The following COL4A4 variants were observed in gnomAD, a reference collection of about 807,000 sequenced individuals.
COL4A4 encodes collagen alpha-4(IV) chain.
COL4A4 carries 105 observed loss-of-function variants against 192.9 expected under a neutral mutation model. That is an observed-to-expected ratio of 0.54 (90% CI 0.46 to 0.64). COL4A4 has a LOEUF of 0.64. Among genes scored for constraint, COL4A4 ranks in the 30% least tolerant of loss-of-function variants. The pLI is 0.00. For synonymous variants in COL4A4, 762 were observed against 769.9 expected (o/e 0.99, Z 0.17); for missense variants, 1,967 against 2,169.3 (o/e 0.91, Z 1.85).
At chr2:227,041,842 A>AAGAGAGAGAG (rs1271004493) in intron 37 of COL4A4, among the ~76,000 whole-genome samples, 2 of 62,762 alleles carry the variant, frequency 3.2e-5, no homozygotes, top group South Asian at 1.2e-3. Flanking sequence ...GAAAGAAAGA[A>AAGAGAGAGAG]AGAAAGAGAA....
chr2:227,063,722 T>C (rs1977713488), intron 25 of COL4A4, among the ~76,000 whole-genome samples: 1 of 152,006 alleles, frequency 6.6e-6, no homozygotes. Context: ...AAATGGTTTT[T>C]CATGGACAAT....
intron 9 of COL4A4, 74 bp from the exon 10 acceptor site, chr2:227,109,360 T>A (rs1263029350): frequency 8.2e-7 from 1 of 1,217,964 alleles, no homozygotes; most frequent in Non-Finnish European, 1.2e-6. Context: ...TTGCGTGTGA[T>A]CCCATGTGGA....
chr2:227,029,959 T>C (rs1967916043), intron 41 of COL4A4, among the ~76,000 whole-genome samples: 1 of 152,192 alleles, frequency 6.6e-6, no homozygotes, highest in African/African-American at 2.4e-5. Context: ...GCTGTCAGTG[T>C]GGAACACACA....
intron 30 of COL4A4, among the ~76,000 whole-genome samples, chr2:227,054,982 GT>G (rs1974981539): frequency 6.6e-6 from 1 of 152,068 alleles, no homozygotes; most frequent in Non-Finnish European, 1.5e-5. Flanking sequence ...TAGAGACGGA[GT>G]TTCACCATGT....
intron 3 of COL4A4, among the ~76,000 whole-genome samples, chr2:227,140,519 G>C (rs1050543334): frequency 6.6e-6 from 1 of 152,030 alleles, no homozygotes; most frequent in Non-Finnish European, 1.5e-5. Context: ...TCTCCCTTTC[G>C]GTAAGACTTA....
intron 4 of COL4A4, among the ~76,000 whole-genome samples, chr2:227,125,865 C>A (rs1576698508): frequency 6.6e-6 from 1 of 152,142 alleles, no homozygotes; most frequent in African/African-American, 2.4e-5. Flanking sequence ...CTGTCCCTCC[C>A]AAGCCCACAG....
chr2:227,153,019 G>A (rs1326540250), intron 1 of COL4A4, among the ~76,000 whole-genome samples: 4 of 152,204 alleles, frequency 2.6e-5, no homozygotes, highest in African/African-American at 7.2e-5. Flanking sequence ...CAATCATGAT[G>A]GAAGGTGAAT....
chr2:227,020,319 A>G (rs1330210393), intron 44 of COL4A4, among the ~76,000 whole-genome samples: 1 of 152,192 alleles, frequency 6.6e-6, no homozygotes, highest in Non-Finnish European at 1.5e-5. Flanking sequence ...AACTTTATGC[A>G]TGCAAGGAGT....
intron 20 of COL4A4, among the ~76,000 whole-genome samples, chr2:227,090,910 G>A (rs1453023397): frequency 1.4e-5 from 2 of 146,458 alleles, no homozygotes; most frequent in South Asian, 2.1e-4. Flanking sequence ...GAAACAGGAA[G>A]CTTAGAAAGC....
intron 43 of COL4A4, among the ~76,000 whole-genome samples, chr2:227,023,802 AAGAGATTG>A (rs2149875881): frequency 6.6e-6 from 1 of 151,994 alleles, no homozygotes; most frequent in Non-Finnish European, 1.5e-5. Context: ...TCACGAGGTC[AAGAGATTG>A]AGACCATCCT....
chr2:226,987,002 A>G, the COL4A4 span, among the ~76,000 whole-genome samples: 7 of 152,250 alleles, frequency 4.6e-5, no homozygotes, highest in African/African-American at 1.7e-4. Context: ...CAGCCATAAA[A>G]AAGAATGAGT....
In COL4A4 at chr2:227,123,601, G is replaced by A. The variant is rs992567024; in HGVS notation, c.193-2453C>T. On this transcript the variant is annotated intron_variant, in intron 4 of 47. Transcript: ENST00000396625. This position sits in a 1 kb window ranked among gnomAD's most constrained non-coding sequence, Gnocchi z 4.6. ...TGTTATCCCGCCCTAGGGGAAGGGA[G>A]TGGGGGTATTTATCTCCTTGGCTGA... is the stretch of plus-strand genomic sequence containing the variant. 2.0e-5 allele frequency among the ~76,000 whole-genome samples: 3 copies of A among 152,228 alleles called. No homozygotes were observed. The highest frequency in any genetic ancestry group is 7.2e-5 in the African/African-American group (3 of 41,456).
chr2:227,038,622 A>G (rs1277731427), intron 37 of COL4A4, among the ~76,000 whole-genome samples: 1 of 152,214 alleles, frequency 6.6e-6, no homozygotes, highest in African/African-American at 2.4e-5. Flanking sequence ...TGGTAGCTGG[A>G]ATCAAGCCAT....
At chr2:227,163,641 G>C (rs1299575732) in intron 1 of COL4A4, among the ~76,000 whole-genome samples, 1 of 152,148 alleles carries the variant, frequency 6.6e-6, no homozygotes, top group African/African-American at 2.4e-5. Flanking sequence ...ACCCTGACCA[G>C]AGCTGAGTCT....
downstream of COL4A4, chr2:226,998,441 C>G (rs141124889): frequency 2.0e-5 from 3 of 152,288 alleles, no homozygotes; most frequent in African/African-American, 7.2e-5. Context: ...GCAGACCTGG[C>G]CTCCTTGTTC....
chr2:227,086,721 T>C (rs2059620896), intron 22 of COL4A4, among the ~76,000 whole-genome samples: 1 of 152,152 alleles, frequency 6.6e-6, no homozygotes, highest in Admixed American at 6.5e-5. Context: ...TAGCCCTAAG[T>C]AGCAACTCAA....
rs1553626076 is a variant in COL4A4 at position 227,031,041 on chromosome 2, A to ATGGATGGATGGATGGATG, written c.3818-444_3818-443insCATCCATCCATCCATCCA. On this transcript the variant is annotated intron_variant, in intron 40 of 47. Transcript: ENST00000396625. ...TATGTGGATAGATGGTTGGATGGAC[A>ATGGATGGATGGATGGATG]GATGGATGGATGGATGGATGGATGG... Among the ~76,000 whole-genome samples the ATGGATGGATGGATGGATG allele has an allele frequency of 8.2e-3, 1,201 of 146,350 alleles. 15 individuals are homozygous for ATGGATGGATGGATGGATG. The highest frequency in any genetic ancestry group is 0.03 in the African/African-American group (1,155 of 38,946).
chr2:227,049,742 G>T (rs10178260), intron 34 of COL4A4, among the ~76,000 whole-genome samples: 78,448 of 151,562 alleles, frequency 0.52, 20,436 homozygotes, highest in South Asian at 0.63. Context: ...AAGTGGGCAC[G>T]GCCCACTGAC....
intron 17 of COL4A4, among the ~76,000 whole-genome samples, chr2:227,100,716 T>C (rs2060461126): frequency 6.6e-6 from 1 of 152,262 alleles, no homozygotes; most frequent in East Asian, 1.9e-4. Flanking sequence ...AAATCTCATC[T>C]TGAATGGTAA....
Sources: gnomAD v4.1 joint callset for allele counts (sites outside exome capture counted in the v4.1 genomes callset) on GRCh38, gnomAD v4.1.1 for gene constraint, Gnocchi (gnomAD v3.1) non-coding constraint, MANE v1.5 for transcripts, NCBI Gene and HGNC (gene_info 2026-07-23, HGNC 2026-07-21) for gene names.